KCNH1: variants seen among roughly 807,000 people sequenced by gnomAD.
The protein encoded by KCNH1 is potassium voltage-gated channel subfamily H member 1.
Under a neutral mutation model 69.2 loss-of-function variants are expected in KCNH1, and 27 were observed. The ratio of observed to expected loss-of-function variants is 0.39; its 90% confidence interval spans 0.29 to 0.54. KCNH1 has a LOEUF of 0.54. Ranked by LOEUF, KCNH1 falls within the 20% of genes least tolerant of loss-of-function variation. The pLI is 0.68. For missense variants in KCNH1, 798 were observed against 1,261.6 expected, an observed-to-expected ratio of 0.63 and a Z score of 5.57; for synonymous variants, 456 against 487.7, an observed-to-expected ratio of 0.93 and a Z score of 0.86.
At chr1:211,109,482 A>G (rs1281450607) in intron 1 of KCNH1, among the ~76,000 whole-genome samples, 2 of 152,252 alleles carry the variant, frequency 1.3e-5, no homozygotes, top group African/African-American at 4.8e-5. Context: ...TCCCAAGTGT[A>G]TATGAAGCCT....
rs1681309555 is a variant in KCNH1 at position 210,683,007 on chromosome 1, A to G, written c.*274T>C. The G allele has an allele frequency of 4.9e-6, 2 of 408,344 alleles. No individual in the cohort carries two copies. The highest frequency in any genetic ancestry group is 8.8e-6 in the Non-Finnish European group (2 of 227,538). The allele number at this position is 408,344 out of a possible 1,614,324, so 25.3% of individuals were successfully genotyped here. On this transcript the variant is annotated 3_prime_UTR_variant, in exon 11 of 11. Coordinates refer to ENST00000271751, the MANE Select transcript of KCNH1 (RefSeq NM_172362.3). The surrounding 1 kb of genome is among the most constrained non-coding windows in gnomAD (Gnocchi z 5.7). Reference sequence around the variant, plus strand: ...ATATCATGGTAGTAAAAAATTAAAAATGAAGGAAAATACCCTTTAGACAGC... The same window carrying G: ...ATATCATGGTAGTAAAAAATTAAAAGTGAAGGAAAATACCCTTTAGACAGC...
chr1:211,044,481 A>C (rs1433209584), intron 5 of KCNH1, among the ~76,000 whole-genome samples: 1 of 152,234 alleles, frequency 6.6e-6, no homozygotes, highest in Non-Finnish European at 1.5e-5. Flanking sequence ...GACAACCCAC[A>C]GAGTGGGAGA....
At position 210,857,149 on chromosome 1, in the gene KCNH1, G is replaced by T. The variant is rs541679985; in HGVS notation, c.1463-52983C>A. The stretch of plus-strand genomic sequence containing the variant: ...CTGTATGCACATTAAAATCTGAGAA[G>T]CACTGGCTTAGAGCACATACAGGTC... On this transcript the variant is annotated intron_variant, in intron 7 of 10. Coordinates refer to ENST00000271751, the MANE Select transcript of KCNH1 (RefSeq NM_172362.3). Among the ~76,000 whole-genome samples, 21 of 151,918 alleles carry T rather than the reference G, an allele frequency of 1.4e-4. No homozygotes were observed. In the South Asian group the frequency reaches 3.1e-3, roughly 23 times the overall value.
chr1:210,963,388 G>A (rs1224662235), intron 6 of KCNH1, among the ~76,000 whole-genome samples: 1 of 152,012 alleles, frequency 6.6e-6, no homozygotes, highest in African/African-American at 2.4e-5. Flanking sequence ...CTCCTCCAAA[G>A]GATCACAACT....
intron 5 of KCNH1, among the ~76,000 whole-genome samples, chr1:211,074,272 A>T (rs1690695957): frequency 6.6e-6 from 1 of 151,790 alleles, no homozygotes; most frequent in Admixed American, 6.6e-5. Flanking sequence ...ACTAGGAGTT[A>T]TAATTTTTCC....
chr1:211,067,381 G>T (rs147994615), intron 5 of KCNH1, among the ~76,000 whole-genome samples: 1 of 152,186 alleles, frequency 6.6e-6, no homozygotes, highest in Admixed American at 6.5e-5. Flanking sequence ...ACCCACCCAC[G>T]ACAAAGCAAG....
At chr1:210,781,331 A>G (rs1357300187) in intron 9 of KCNH1, among the ~76,000 whole-genome samples, 1 of 152,100 alleles carries the variant, frequency 6.6e-6, no homozygotes, top group African/African-American at 2.4e-5. Context: ...GGTGCCAGAA[A>G]CACCAAGTAC....
chr1:210,943,321 C>CT (rs899977452), intron 6 of KCNH1, among the ~76,000 whole-genome samples: 4 of 151,750 alleles, frequency 2.6e-5, no homozygotes, highest in South Asian at 2.1e-4. Flanking sequence ...GTCTCCCCTT[C>CT]TTTTTTTTAT....
chr1:210,955,727 C>G (rs551025688), intron 6 of KCNH1, among the ~76,000 whole-genome samples: 251 of 151,024 alleles, frequency 1.7e-3, no homozygotes, highest in Middle Eastern at 3.4e-3. Context: ...GTATAGGAAT[C>G]CTTGTGATTT....
At chr1:210,764,131 A>G (rs931478341) in intron 10 of KCNH1, among the ~76,000 whole-genome samples, 2 of 152,178 alleles carry the variant, frequency 1.3e-5, no homozygotes, top group Non-Finnish European at 2.9e-5. Flanking sequence ...AGAATACCCT[A>G]TTCAATAAAT....
At chr1:210,721,233 C>T (rs1444374509) in intron 10 of KCNH1, among the ~76,000 whole-genome samples, 3 of 152,020 alleles carry the variant, frequency 2.0e-5, no homozygotes, top group South Asian at 4.1e-4. Flanking sequence ...ACTTGATGCC[C>T]CTGGAGAATA....
At chr1:211,114,123 T>C (rs1158921094) in intron 1 of KCNH1, among the ~76,000 whole-genome samples, 1 of 151,982 alleles carries the variant, frequency 6.6e-6, no homozygotes, top group Non-Finnish European at 1.5e-5. Context: ...GAGCCCCACA[T>C]ATCAGCTGAG....
At chr1:210,983,278 A>G (rs889990534) in intron 6 of KCNH1, among the ~76,000 whole-genome samples, 34 of 152,204 alleles carry the variant, frequency 2.2e-4, no homozygotes, top group African/African-American at 7.5e-4. Context: ...AATTTAATTA[A>G]ATCCCATTTG....
chr1:210,858,962 C>G, intron 7 of KCNH1: 2 of 392,144 alleles, frequency 5.1e-6, no homozygotes, highest in Non-Finnish European at 9.3e-6. Context: ...TACCTCCAAT[C>G]CCCCCCACCC....
chr1:211,078,565 A>G (rs1690780749), intron 5 of KCNH1, among the ~76,000 whole-genome samples: 1 of 152,214 alleles, frequency 6.6e-6, no homozygotes. Context: ...GTTCTTTGAA[A>G]CCAATGAGAA....
intron 5 of KCNH1, among the ~76,000 whole-genome samples, chr1:211,026,431 A>G (rs1203865877): frequency 6.6e-6 from 1 of 152,002 alleles, no homozygotes; most frequent in Non-Finnish European, 1.5e-5. Context: ...TTTCCAGCCA[A>G]AAGGAGTGGA....
At chr1:210,923,365 T>G (rs1362121848) in intron 6 of KCNH1, among the ~76,000 whole-genome samples, 2 of 152,226 alleles carry the variant, frequency 1.3e-5, no homozygotes, top group Non-Finnish European at 2.9e-5. Context: ...AGCAGACTTC[T>G]GTGGCAGTCA....
chr1:210,942,543 C>T (rs947835085), intron 6 of KCNH1, among the ~76,000 whole-genome samples: 7 of 152,088 alleles, frequency 4.6e-5, no homozygotes, highest in Non-Finnish European at 1.0e-4. Context: ...TATTTCTCCA[C>T]AGTAAAGAGA....
intron 10 of KCNH1, among the ~76,000 whole-genome samples, chr1:210,736,723 G>A (rs930259576): frequency 6.6e-6 from 1 of 152,198 alleles, no homozygotes; most frequent in African/African-American, 2.4e-5. Flanking sequence ...CCAGGTTCCA[G>A]GAAGACAAGT....
Sources: allele counts gnomAD v4.1 joint callset (sites outside exome capture counted in the v4.1 genomes callset), GRCh38; gene constraint gnomAD v4.1.1; non-coding constraint Gnocchi (gnomAD v3.1); transcripts MANE v1.5; gene names NCBI Gene and HGNC (gene_info 2026-07-23, HGNC 2026-07-21).